Variants in TNRC6B observed in about 807,000 individuals in gnomAD.
TNRC6B encodes the protein trinucleotide repeat-containing gene 6B protein.
In TNRC6B, 52 loss-of-function variants were observed where a neutral mutation model predicts 203.6. The observed-to-expected ratio is 0.26, with a 90% CI of 0.20 to 0.32. TNRC6B has a LOEUF of 0.32. Among genes scored for constraint, TNRC6B ranks in the 10% least tolerant of loss-of-function variants. The probability of loss-of-function intolerance (pLI) is 1.00; values close to 1 mark genes in which losing one functional copy is unlikely to be tolerated. For synonymous variants in TNRC6B, 838 were observed against 845.7 expected (o/e 0.99, Z 0.16); for missense variants, 1,923 against 2,286.2 (o/e 0.84, Z 3.24).
chr22:40,088,760 A>G (rs1184201472), intron 1 of TNRC6B, among the ~76,000 whole-genome samples: 2 of 152,054 alleles, frequency 1.3e-5, no homozygotes, highest in East Asian at 3.9e-4. Flanking sequence ...CAGCCAATTT[A>G]TATTTTTTTA....
chr22:40,074,259 A>G (rs1004284234), intron 1 of TNRC6B, among the ~76,000 whole-genome samples: 19 of 151,714 alleles, frequency 1.3e-4, no homozygotes, highest in Non-Finnish European at 2.5e-4. Flanking sequence ...AAAAGAAAAG[A>G]AAATGGTAAC....
intron 15 of TNRC6B, among the ~76,000 whole-genome samples, chr22:40,307,083 A>AT (rs1287693276): frequency 2.1e-5 from 3 of 144,422 alleles, no homozygotes; most frequent in Admixed American, 7.1e-5. Context: ...GAACTAGTAA[A>AT]TTCGGTTACA....
intron 1 of TNRC6B, among the ~76,000 whole-genome samples, chr22:40,196,385 C>T (rs1414240207): frequency 1.3e-5 from 2 of 151,878 alleles, no homozygotes; most frequent in African/African-American, 4.8e-5. Flanking sequence ...CATGTTAAAT[C>T]CTAATAGTTA....
chr22:40,169,016 T>C (rs536712297), intron 4 of TNRC6B, among the ~76,000 whole-genome samples: 1 of 152,310 alleles, frequency 6.6e-6, no homozygotes, highest in East Asian at 1.9e-4. Context: ...TTAATCGTTT[T>C]TGTATGCCCC....
intron 1 of TNRC6B, among the ~76,000 whole-genome samples, chr22:40,195,438 A>G (rs2069324607): frequency 6.6e-6 from 1 of 152,146 alleles, no homozygotes; most frequent in South Asian, 2.1e-4. Flanking sequence ...ATTAGGGACT[A>G]GCTTTTTTGC....
In TNRC6B at chr22:40,331,130, C is replaced by A. The variant is rs536882790; in HGVS notation, c.*7889C>A. The A allele has an allele frequency of 2.6e-5, 4 of 152,694 alleles. No homozygotes were observed. The South Asian group carries it at 8.3e-4, about 32-fold the overall frequency. The allele number at this position is 152,694 out of a possible 1,614,324, so 9.5% of individuals were successfully genotyped here. A position where few individuals can be genotyped will look rare whatever the true frequency, so the allele number is the denominator to read the frequency against. On this transcript the variant is annotated 3_prime_UTR_variant, in exon 23 of 23. Coordinates refer to ENST00000454349, the MANE Select transcript of TNRC6B (RefSeq NM_001162501.2). ...AAACAAGGCATTTTCCAGCTTCTGC[C>A]GTGTGCAGAGCGGGCAGCACGCTTT...
chr22:40,156,077 TACTG>T (rs1369733730), intron 3 of TNRC6B: 1 of 1,553,100 alleles, frequency 6.4e-7, no homozygotes, highest in Admixed American at 1.9e-5. Flanking sequence ...GCATTGTAGT[TACTG>T]ACTGCTGCTG....
chr22:40,182,289 C>T (rs1049254623), intron 1 of TNRC6B, among the ~76,000 whole-genome samples: 2 of 152,110 alleles, frequency 1.3e-5, no homozygotes, highest in Non-Finnish European at 2.9e-5. Context: ...ATAATTACCC[C>T]ATTTAATAAT....
chr22:40,213,853 C>T (rs184162069), intron 1 of TNRC6B, among the ~76,000 whole-genome samples: 1 of 152,048 alleles, frequency 6.6e-6, no homozygotes, highest in Non-Finnish European at 1.5e-5. Context: ...GATAACTCTT[C>T]AAATATGGAA....
intron 1 of TNRC6B, among the ~76,000 whole-genome samples, chr22:40,244,630 C>T (rs1284996478): frequency 6.6e-6 from 1 of 152,124 alleles, no homozygotes; most frequent in Non-Finnish European, 1.5e-5. Flanking sequence ...GTTTGCAAAC[C>T]TGTTATTCAC....
intron 2 of TNRC6B, among the ~76,000 whole-genome samples, chr22:40,119,014 T>C (rs1039782061): frequency 6.6e-6 from 1 of 152,114 alleles, no homozygotes; most frequent in African/African-American, 2.4e-5. Context: ...TCATTACGGC[T>C]GGAACAAATG....
At chr22:40,288,763 G>A (rs1490863286) in intron 12 of TNRC6B, among the ~76,000 whole-genome samples, 1 of 150,854 alleles carries the variant, frequency 6.6e-6, no homozygotes, top group African/African-American at 2.4e-5. Flanking sequence ...GGCTGGTCTC[G>A]AACTCCTGAC....
intron 15 of TNRC6B, among the ~76,000 whole-genome samples, chr22:40,304,630 T>A (rs968232463): frequency 1.3e-5 from 2 of 152,230 alleles, no homozygotes; most frequent in Non-Finnish European, 2.9e-5. Context: ...TAAAATAAGA[T>A]GGTAGCGAAA....
At chr22:40,239,293 C>T (rs926154801) in intron 1 of TNRC6B, among the ~76,000 whole-genome samples, 22 of 152,184 alleles carry the variant, frequency 1.4e-4, no homozygotes, top group African/African-American at 5.1e-4. Flanking sequence ...TAGAAGAGAG[C>T]CAAGTCAGTC....
intron 3 of TNRC6B, among the ~76,000 whole-genome samples, chr22:40,149,184 G>A (rs910583596): frequency 9.2e-5 from 14 of 152,214 alleles, no homozygotes; most frequent in African/African-American, 3.4e-4. Context: ...GCTGTGAAAG[G>A]AAAATGAACT....
intron 19 of TNRC6B, among the ~76,000 whole-genome samples, chr22:40,314,077 G>A (rs958690064): frequency 1.3e-5 from 2 of 152,006 alleles, no homozygotes; most frequent in African/African-American, 4.8e-5. Flanking sequence ...ACCTATAAAT[G>A]CCCATATCTC....
At chr22:40,166,418 G>C (rs2068919852) in intron 4 of TNRC6B, among the ~76,000 whole-genome samples, 1 of 150,250 alleles carries the variant, frequency 6.7e-6, no homozygotes, top group Admixed American at 6.6e-5. Flanking sequence ...ACATTTTTTG[G>C]CCATGCTATA....
chr22:40,186,990 T>A (rs1313248234), intron 1 of TNRC6B, among the ~76,000 whole-genome samples: 1 of 152,114 alleles, frequency 6.6e-6, no homozygotes, highest in African/African-American at 2.4e-5. Flanking sequence ...AACTTACTAC[T>A]TTTTCATGGA....
chr22:40,191,246 C>G (rs920297406), intron 1 of TNRC6B, among the ~76,000 whole-genome samples: 5 of 152,062 alleles, frequency 3.3e-5, no homozygotes, highest in African/African-American at 1.2e-4. Context: ...CCCCAGTTTT[C>G]TCATTGGTAA....
Sources: allele counts gnomAD v4.1 joint callset (sites outside exome capture counted in the v4.1 genomes callset), GRCh38; gene constraint gnomAD v4.1.1; transcripts MANE v1.5; gene names NCBI Gene and HGNC (gene_info 2026-07-23, HGNC 2026-07-21).